Variants in SEMA6C observed in about 807,000 individuals in gnomAD.
SEMA6C encodes semaphorin 6C, also known as semaphorin-6C.
In SEMA6C, 37 loss-of-function variants were observed where a neutral mutation model predicts 72.9. That is an observed-to-expected ratio of 0.51 (90% confidence interval 0.39 to 0.67). The LOEUF is 0.67. Ranked by LOEUF, SEMA6C falls within the 30% of genes least tolerant of loss-of-function variation. SEMA6C has a pLI of 0.00. For synonymous variants in SEMA6C, 578 were observed against 554.1 expected (o/e 1.04, Z -0.61); for missense variants, 1,189 against 1,263.6 (o/e 0.94, Z 0.89).
Position 151,132,348 on chromosome 1 carries a change from G to C in SEMA6C, c.*136C>G. The C allele has an allele frequency of 1.9e-6, 3 of 1,540,858 alleles. No homozygotes were observed. The highest frequency in any genetic ancestry group is 1.7e-6 in the Non-Finnish European group (2 of 1,143,012). On this transcript the variant is annotated 3_prime_UTR_variant, in exon 19 of 19. Transcript: ENST00000368914. ...CAATAAATAAACCCGAGGCGAAAAG[G>C]GGCCTCGGGAGACTCTGCGAGTCGG... is the stretch of plus-strand genomic sequence containing the variant.
Position 151,136,142 on chromosome 1 carries a change from T to C in SEMA6C, c.1128A>G (p.Val376=). The change falls in exon 13 of 19, where the codon GTA becomes GTG. Residue 376 remains valine (V), a synonymous_variant. Coordinates refer to ENST00000368914, the MANE Select transcript of SEMA6C (RefSeq NM_030913.6). Reference sequence around the variant, plus strand: ...AAGAGGAGAACAAGGCAGCTCCCCCTACTCCTGCACAGGATCCTGGCCTGG... The same window carrying C: ...AAGAGGAGAACAAGGCAGCTCCCCCCACTCCTGCACAGGATCCTGGCCTGG... ...PSPRPGSCAG[V]GGAALFSSSR... 1 of 1,613,874 alleles carries C rather than the reference T, an allele frequency of 6.2e-7. No individual in the cohort carries two copies. Among genetic ancestry groups the C allele is most frequent in the Non-Finnish European group, 8.5e-7 (1 of 1,179,968 alleles).
rs762455224 is a variant in SEMA6C at position 151,133,132 on chromosome 1, G to C, written c.2145C>G (p.Ala715=). The C allele has an allele frequency of 7.7e-6, 12 of 1,561,760 alleles. No homozygotes were observed. Among genetic ancestry groups the C allele is most frequent in the Non-Finnish European group, 1.0e-5 (12 of 1,165,892 alleles). The change falls in exon 19 of 19, where the codon GCC becomes GCG. Residue 715 remains alanine (A), a synonymous_variant. Transcript: ENST00000368914. This position sits in a 1 kb window ranked among gnomAD's most constrained non-coding sequence, Gnocchi z 5.9. ...PELPVKHLRA[A]GDPWEWNQNR... ...TCTGGTTCCACTCCCAGGGGTCCCC[G>C]GCGGCGCGGAGGTGCTTGACCGGCA...
In SEMA6C at chr1:151,132,392, G is replaced by A. The variant is rs1230608050; in HGVS notation, c.*92C>T. 6.6e-7 allele frequency: 1 copy of A among 1,523,914 alleles called. No homozygotes were observed. The allele number at this position is 1,523,914 out of a possible 1,614,324, so 94.4% of individuals were successfully genotyped here. The stretch of plus-strand genomic sequence containing the variant: ...GAGTCGGGAAGGCTGGAGGTGCGGG[G>A]CGAGGGGGCGGTGAAACGTCCTGAA... On this transcript the variant is annotated 3_prime_UTR_variant, in exon 19 of 19. Coordinates refer to ENST00000368914, the MANE Select transcript of SEMA6C (RefSeq NM_030913.6).
rs766450948 is a variant in SEMA6C, at chr1:151,133,444, G to A, written c.1833C>T (p.Ala611=). The A allele has an allele frequency of 8.3e-6, 13 of 1,568,324 alleles. No individual in the cohort carries two copies. The highest frequency in any genetic ancestry group is 1.1e-5 in the Non-Finnish European group (13 of 1,161,932). ...VPIPLLLASV[A]AAFALGASVS... is the part of the protein sequence containing the mutation. ...CTGAGGCGCCCAGGGCAAAAGCTGCGGCCACACTGGCCAGGAGGAGTGGGA... is the reference window on the plus strand; with the variant it reads ...CTGAGGCGCCCAGGGCAAAAGCTGCAGCCACACTGGCCAGGAGGAGTGGGA... The change falls in exon 19 of 19, where the codon GCC becomes GCT. Residue 611 remains alanine, a synonymous_variant. Coordinates refer to ENST00000368914, the MANE Select transcript of SEMA6C (RefSeq NM_030913.6). The surrounding 1 kb of genome is among the most constrained non-coding windows in gnomAD (Gnocchi z 5.9).
In SEMA6C at chr1:151,132,845, G is replaced by A. The variant is rs1013641087; in HGVS notation, c.2432C>T (p.Pro811Leu). The part of the protein sequence containing the change: ...PALLGGPSPR[P>L]HECASPLRLD... ...CCTCAGCGGCGAGGCGCACTCGTGG[G>A]GCCTGGGGCTGGGGCCGCCCAAGAG... Residue 811 changes from proline to leucine, a missense_variant, in exon 19 of 19, where the codon CCC (proline) becomes CTC (leucine). By Grantham distance (98) the Pro-to-Leu change is moderately conservative. Transcript: ENST00000368914. 49 of 1,283,022 alleles carry A rather than the reference G, an allele frequency of 3.8e-5. No individual in the cohort carries two copies. The highest frequency in any genetic ancestry group is 4.4e-5 in the Admixed American group (1 of 22,530). 79.5% of individuals were successfully genotyped at this position (1,283,022 alleles called of 1,614,324 possible).
At chr1:151,140,830 T>TAAA (rs1682473403) in intron 3 of SEMA6C, among the ~76,000 whole-genome samples, 2 of 152,206 alleles carry the variant, frequency 1.3e-5, no homozygotes, top group Admixed American at 6.5e-5. Context: ...CCATCTCTAC[T>TAAA]AAAAATACAA....
intron 12 of SEMA6C, 32 bp downstream of exon 12, chr1:151,136,416 T>G: frequency 6.2e-7 from 1 of 1,607,282 alleles, no homozygotes. Context: ...TGCTTGCTTC[T>G]GCCCCCACAA....
Position 151,132,229 on chromosome 1 carries a change from TG to T in SEMA6C, c.*254del. On this transcript the variant is annotated 3_prime_UTR_variant, in exon 19 of 19. Transcript: ENST00000368914. ...AGCTTGGCTGGAAGGGAGCGGGGAGTGGGAGTCCGCCAGCTCCCCCTGAAAT... is the reference window on the plus strand; with the variant it reads ...AGCTTGGCTGGAAGGGAGCGGGGAGTGGAGTCCGCCAGCTCCCCCTGAAAT... 1 of 1,502,004 alleles carries T rather than the reference TG, an allele frequency of 6.7e-7. No homozygotes were observed. The highest frequency in any genetic ancestry group is 8.9e-7 in the Non-Finnish European group (1 of 1,126,508). 93.0% of individuals were successfully genotyped at this position (1,502,004 alleles called of 1,614,324 possible).
At chr1:151,141,033 C>A (rs1682502820) in intron 3 of SEMA6C, among the ~76,000 whole-genome samples, 1 of 151,924 alleles carries the variant, frequency 6.6e-6, no homozygotes, top group South Asian at 2.1e-4. Context: ...CTTGGAGCTG[C>A]TTCTAGCACA....
Position 151,133,536 on chromosome 1 carries a change from G to A in SEMA6C, c.1760-19C>T, listed in dbSNP as rs1681759327. On this transcript the variant is annotated intron_variant, in intron 18 of 18. Transcript: ENST00000368914. This position sits in a 1 kb window ranked among gnomAD's most constrained non-coding sequence, Gnocchi z 5.9. ...CGCACGCCTGCCGACCGAGAGGGAG[G>A]AGGGAGGCTCAGCCAAGGGGAGGCG... 1.3e-6 allele frequency: 2 copies of A among 1,490,842 alleles called. No homozygotes were observed. Among genetic ancestry groups the A allele is most frequent in the East Asian group, 2.5e-5 (1 of 40,060 alleles). The allele number at this position is 1,490,842 out of a possible 1,614,324, so 92.4% of individuals were successfully genotyped here. A position where few individuals can be genotyped will look rare whatever the true frequency, so the allele number is the denominator to read the frequency against.
chr1:151,139,327 A>C, intron 6 of SEMA6C, 98 bp downstream of exon 6: 1 of 1,002,516 alleles, frequency 1.0e-6, no homozygotes, highest in Non-Finnish European at 1.6e-6. Context: ...GGATGGAAAA[A>C]GTGTGAAGGA....
intron 18 of SEMA6C, 75 bp downstream of exon 18, chr1:151,134,326 T>C (rs953420894): frequency 7.2e-7 from 1 of 1,379,330 alleles, no homozygotes; most frequent in African/African-American, 1.4e-5. Flanking sequence ...AATGCTGCTC[T>C]GCTGCTGCTA....
In SEMA6C at chr1:151,133,879, C is replaced by T; in HGVS notation, c.1760-362G>A. 1 of 1,229,832 alleles carries T rather than the reference C, an allele frequency of 8.1e-7. No homozygotes were observed. The highest frequency in any genetic ancestry group is 2.6e-5 in the East Asian group (1 of 38,938). The allele number at this position is 1,229,832 out of a possible 1,614,324, so 76.2% of individuals were successfully genotyped here. A position where few individuals can be genotyped will look rare whatever the true frequency, so the allele number is the denominator to read the frequency against. On this transcript the variant is annotated intron_variant, in intron 18 of 18. Transcript: ENST00000368914. The surrounding 1 kb of genome is among the most constrained non-coding windows in gnomAD (Gnocchi z 5.9). The stretch of plus-strand genomic sequence containing the variant: ...AACAGGCGTTAGTGAGCACCAAACA[C>T]CATTCAGTGAGGGGCTTAGAACGCT...
chr1:151,143,971 C>T (rs114670144), intron 2 of SEMA6C, among the ~76,000 whole-genome samples: 6 of 152,086 alleles, frequency 3.9e-5, no homozygotes, highest in African/African-American at 1.4e-4. Context: ...AGTGTCCCCC[C>T]ACCCCCAATC....
Position 151,136,487 on chromosome 1 carries a change from G to A in SEMA6C, c.1067C>T (p.Ala356Val), listed in dbSNP as rs1461200564. 1.2e-6 allele frequency: 2 copies of A among 1,613,896 alleles called. No homozygotes were observed. The highest frequency in any genetic ancestry group is 2.7e-5 in the African/African-American group (2 of 74,858). Residue 356 changes from alanine (A) to valine (V), a missense_variant, in exon 12 of 19, where the codon GCC becomes GTC. By Grantham distance (64) the Ala-to-Val change is moderately conservative (BLOSUM62 0). This residue lies in a region of SEMA6C where 468 missense variants were observed against 577.4 expected (regional missense o/e 0.81). Coordinates refer to ENST00000368914, the MANE Select transcript of SEMA6C (RefSeq NM_030913.6). Reference protein sequence around the residue: ...KFKEQRSLDGAWTPVSEDRVP... With the variant: ...KFKEQRSLDGVWTPVSEDRVP... The stretch of plus-strand genomic sequence containing the variant: ...TCTGTCCTCAGACACAGGAGTCCAG[G>A]CCCCATCCAGACTCCTCTGCTCCTT...
intron 4 of SEMA6C, 117 bp from the exon 5 acceptor site, chr1:151,139,818 C>T: frequency 1.6e-6 from 2 of 1,248,646 alleles, no homozygotes; most frequent in South Asian, 1.4e-5. Context: ...CCCCTTCCTC[C>T]ATGCCTTGGC....
chr1:151,133,495 T>G lies in SEMA6C; in HGVS notation c.1782A>C (p.Pro594=). 1 of 1,529,464 alleles carries G rather than the reference T, an allele frequency of 6.5e-7. No individual in the cohort carries two copies. The highest frequency in any genetic ancestry group is 1.2e-5 in the South Asian group (1 of 84,626). 94.7% of individuals were successfully genotyped at this position (1,529,464 alleles called of 1,614,324 possible). Residue 594 remains proline (P), a synonymous_variant, in exon 19 of 19, where the codon CCA becomes CCC. Transcript: ENST00000368914. The surrounding 1 kb of genome is among the most constrained non-coding windows in gnomAD (Gnocchi z 5.9). The part of the protein sequence containing the change: ...SAYGVRRDLP[P]ASASRSVPIP... ...TGGGGACGGAGCGGGAGGCCGAGGC[T>G]GGGGGCAGGTCCCGGCGCACGCCTG...
rs777944781 is a variant in SEMA6C, at chr1:151,140,046, C to G, written c.163G>C (p.Val55Leu). ...AAGTCCAGCCCAAGTTCTGCAGCCA[C>G]AGCATCATCCTCCAGGCCCCGAAAC... Reference protein sequence around the residue: ...SWFRGLEDDAVAAELGLDFQR... With the variant: ...SWFRGLEDDALAAELGLDFQR... The change falls in exon 4 of 19, where the codon GTG becomes CTG. Residue 55 changes from valine (V) to leucine (L), a missense_variant. By Grantham distance (32) the Val-to-Leu change is conservative. Transcript: ENST00000368914. The G allele has an allele frequency of 8.7e-6, 14 of 1,614,158 alleles. No individual in the cohort carries two copies. The highest frequency in any genetic ancestry group is 4.5e-5 in the East Asian group (2 of 44,878).
At position 151,136,311 on chromosome 1, in the gene SEMA6C, G is replaced by A. The variant is rs1289304987; in HGVS notation, c.1106+137C>T. ...TAGCACTGTCCCCTTCCCTGCCGCA[G>A]CTCTTCGGCCCCACTGCCACCCCAC... On this transcript the variant is annotated intron_variant, in intron 12 of 18. Coordinates refer to ENST00000368914, the MANE Select transcript of SEMA6C (RefSeq NM_030913.6). 8 of 1,470,232 alleles carry A rather than the reference G, an allele frequency of 5.4e-6. No individual in the cohort carries two copies. The Admixed American group carries it at 1.3e-4, about 25-fold the overall frequency. 91.1% of individuals were successfully genotyped at this position (1,470,232 alleles called of 1,614,324 possible). A position where few individuals can be genotyped will look rare whatever the true frequency, so the allele number is the denominator to read the frequency against.
Sources: allele counts gnomAD v4.1 joint callset (sites outside exome capture counted in the v4.1 genomes callset), GRCh38; gene constraint gnomAD v4.1.1; regional missense constraint gnomAD v4.1.1; non-coding constraint Gnocchi (gnomAD v3.1); transcripts MANE v1.5; gene names NCBI Gene and HGNC (gene_info 2026-07-23, HGNC 2026-07-21).